The following EMC2 variants were observed in gnomAD, a reference collection of about 807,000 sequenced individuals.
The protein encoded by EMC2 is TPR repeat protein 35.
Under a neutral mutation model 51.6 loss-of-function variants are expected in EMC2, and 37 were observed. The ratio of observed to expected loss-of-function variants is 0.72; its 90% CI spans 0.55 to 0.94. EMC2 has a LOEUF of 0.94. EMC2 is among the 40% of genes least tolerant of loss of function. The pLI is 0.00. For synonymous variants in EMC2, 131 were observed against 112.4 expected (o/e 1.17, Z -1.04); for missense variants, 359 against 350.9 (o/e 1.02, Z -0.18).
intron 5 of EMC2, among the ~76,000 whole-genome samples, chr8:108,459,230 T>G (rs1343586435): frequency 6.6e-6 from 1 of 152,196 alleles, no homozygotes; most frequent in Non-Finnish European, 1.5e-5. Flanking sequence ...TCCCATCTTC[T>G]TCTGACCCCT....
chr8:108,484,993 C>T (rs552485514), intron 10 of EMC2, among the ~76,000 whole-genome samples: 1 of 151,940 alleles, frequency 6.6e-6, no homozygotes, highest in African/African-American at 2.4e-5. Context: ...TCTTTTTCCT[C>T]TGGCATTTCC....
At chr8:108,470,639 C>T (rs1170968812) in intron 7 of EMC2, among the ~76,000 whole-genome samples, 1 of 152,062 alleles carries the variant, frequency 6.6e-6, no homozygotes, top group East Asian at 1.9e-4. Context: ...TAGGATCTTG[C>T]TTATTGGATG....
At chr8:108,452,122 T>C (rs1413071208) in intron 3 of EMC2, among the ~76,000 whole-genome samples, 1 of 152,248 alleles carries the variant, frequency 6.6e-6, no homozygotes, top group Non-Finnish European at 1.5e-5. Context: ...ATCCTTCATA[T>C]GTTGCTGAGA....
intron 5 of EMC2, among the ~76,000 whole-genome samples, chr8:108,466,211 A>G (rs1819460362): frequency 6.6e-6 from 1 of 152,136 alleles, no homozygotes; most frequent in Admixed American, 6.5e-5. Flanking sequence ...AAGGCTCTTT[A>G]TCATGAGGAA....
chr8:108,453,968 C>T (rs992233479), intron 4 of EMC2, among the ~76,000 whole-genome samples: 8 of 152,002 alleles, frequency 5.3e-5, no homozygotes, highest in Non-Finnish European at 1.0e-4. Flanking sequence ...TATGTAATGC[C>T]TGTCTTTATC....
chr8:108,467,637 G>C (rs1252950541), intron 5 of EMC2, among the ~76,000 whole-genome samples: 1 of 152,066 alleles, frequency 6.6e-6, no homozygotes, highest in African/African-American at 2.4e-5. Flanking sequence ...TCACTCCTGG[G>C]CTCAAGTGAT....
intron 10 of EMC2, among the ~76,000 whole-genome samples, chr8:108,484,748 ATGG>A (rs890400204): frequency 5.3e-5 from 8 of 151,958 alleles, no homozygotes; most frequent in African/African-American, 1.9e-4. Flanking sequence ...TGTTTCATAA[ATGG>A]TGGTAAATGA....
chr8:108,485,727 C>T (rs1365835251), intron 10 of EMC2, among the ~76,000 whole-genome samples: 1 of 150,436 alleles, frequency 6.6e-6, no homozygotes, highest in African/African-American at 2.4e-5. Context: ...TGTTTCCCTC[C>T]AGCGGTTATG....
At chr8:108,482,216 A>C (rs1811055617) in intron 10 of EMC2, among the ~76,000 whole-genome samples, 1 of 152,040 alleles carries the variant, frequency 6.6e-6, no homozygotes, top group Non-Finnish European at 1.5e-5. Context: ...GTGGTACTTC[A>C]TGGTTTTATT....
chr8:108,483,289 A>T (rs1043006552), intron 10 of EMC2, among the ~76,000 whole-genome samples: 2 of 152,176 alleles, frequency 1.3e-5, no homozygotes, highest in African/African-American at 4.8e-5. Context: ...TTAAGTATAC[A>T]GTCTGAGTTT....
intron 7 of EMC2, chr8:108,474,942 A>G (rs1586190853): frequency 6.6e-6 from 1 of 152,016 alleles, no homozygotes; most frequent in South Asian, 2.1e-4. Context: ...GCATTTAGTA[A>G]AAGCTATTAT....
chr8:108,457,321 CGT>C (rs765030855), intron 5 of EMC2, among the ~76,000 whole-genome samples: 27 of 109,996 alleles, frequency 2.5e-4, no homozygotes, highest in East Asian at 1.2e-3. Flanking sequence ...TAGGGATGTG[CGT>C]GTGTGTGCGT....
At chr8:108,469,994 G>C (rs764180984) in intron 6 of EMC2, 68 bp from the exon 7 acceptor site, 2 of 1,545,938 alleles carry the variant, frequency 1.3e-6, no homozygotes, top group Non-Finnish European at 1.8e-6. Context: ...TGATTTTCCT[G>C]TTTGTTTTCA....
chr8:108,482,964 T>C (rs1240416878), intron 10 of EMC2, among the ~76,000 whole-genome samples: 1 of 152,092 alleles, frequency 6.6e-6, no homozygotes, highest in Non-Finnish European at 1.5e-5. Context: ...TCTGTCCATC[T>C]TTGTGTTCCA....
intron 5 of EMC2, among the ~76,000 whole-genome samples, chr8:108,457,335 T>C (rs1231875635): frequency 1.1e-3 from 39 of 34,496 alleles, no homozygotes; most frequent in African/African-American, 2.5e-3. Flanking sequence ...TGTGTGCGTG[T>C]GTGTGTGTGT....
chr8:108,484,941 T>C (rs973561965), intron 10 of EMC2, among the ~76,000 whole-genome samples: 4 of 152,036 alleles, frequency 2.6e-5, no homozygotes, highest in African/African-American at 9.6e-5. Context: ...GTGATGCCTT[T>C]TGAAAGGCAA....
intron 7 of EMC2, chr8:108,474,732 A>G (rs1287824785): frequency 6.6e-6 from 1 of 151,908 alleles, no homozygotes; most frequent in Non-Finnish European, 1.5e-5. Context: ...GTGATGTGTA[A>G]TGCATATAAG....
rs1217930577 is a variant in EMC2, at chr8:108,469,891, G to A, written c.429G>A (p.Glu143=). The change falls in exon 6 of 11, where the codon GAG becomes GAA. Residue 143 remains glutamate (E), a synonymous_variant. Transcript: ENST00000220853. ...AQGKNVEAIR[E]LNEYLEQFVG... ...GGAAAAATGTGGAGGCCATTCGGGA[G>A]CTGAATGAGTATCTGGAACAGTGAG... 1.9e-6 allele frequency: 3 copies of A among 1,612,388 alleles called. No homozygotes were observed. In the Admixed American group the frequency reaches 5.0e-5, roughly 27 times the overall value.
intron 3 of EMC2, among the ~76,000 whole-genome samples, chr8:108,452,619 A>G (rs527837668): frequency 2.6e-5 from 4 of 152,304 alleles, no homozygotes; most frequent in African/African-American, 9.6e-5. Context: ...ACAGGGCAAA[A>G]TTAATCAGTG....
Sources: allele counts gnomAD v4.1 joint callset (sites outside exome capture counted in the v4.1 genomes callset), GRCh38; gene constraint gnomAD v4.1.1; transcripts MANE v1.5; gene names NCBI Gene and HGNC (gene_info 2026-07-23, HGNC 2026-07-21).